Variants in ARMH4 observed in about 807,000 individuals in gnomAD.
The protein encoded by ARMH4 is armadillo like helical domain containing 4.
ARMH4 carries 49 observed loss-of-function variants against 61.9 expected under a neutral mutation model. That is an observed-to-expected ratio of 0.79 (90% CI 0.63 to 1.00). ARMH4 has a LOEUF of 1.00. ARMH4 is among the 50% of genes least tolerant of loss of function. The probability of loss-of-function intolerance (pLI) is 0.00; values close to 1 mark genes in which losing one functional copy is unlikely to be tolerated. For synonymous variants in ARMH4, 368 were observed against 341.5 expected (o/e 1.08, Z -0.85); for missense variants, 934 against 930.0 (o/e 1.00, Z -0.06).
chr14:58,031,267 G>A (rs1452245681), intron 5 of ARMH4, among the ~76,000 whole-genome samples: 1 of 152,166 alleles, frequency 6.6e-6, no homozygotes, highest in Non-Finnish European at 1.5e-5. Context: ...TTATCCCAGA[G>A]ACTCATTTTC....
intron 4 of ARMH4, among the ~76,000 whole-genome samples, chr14:58,128,166 T>C (rs1217209732): frequency 6.6e-6 from 1 of 152,240 alleles, no homozygotes; most frequent in African/African-American, 2.4e-5. Flanking sequence ...AAAGCGGGAC[T>C]TCTTTAAGTA....
chr14:58,134,062 A>G (rs182324915), intron 2 of ARMH4, among the ~76,000 whole-genome samples: 7 of 152,374 alleles, frequency 4.6e-5, no homozygotes, highest in African/African-American at 1.4e-4. Flanking sequence ...AATAGTATCT[A>G]TCTCACAGAG....
At chr14:58,081,531 C>T (rs545612722) in intron 5 of ARMH4, among the ~76,000 whole-genome samples, 58 of 150,300 alleles carry the variant, frequency 3.9e-4, no homozygotes, top group Middle Eastern at 3.4e-3. Context: ...GACGGAATCT[C>T]GCTCTGTCAC....
intron 5 of ARMH4, among the ~76,000 whole-genome samples, chr14:58,019,653 T>C (rs1392393582): frequency 6.6e-6 from 1 of 152,094 alleles, no homozygotes; most frequent in East Asian, 1.9e-4. Context: ...TAGCCGAGTA[T>C]GGTGGCATGC....
chr14:58,106,938 C>T (rs538877871), intron 4 of ARMH4, among the ~76,000 whole-genome samples: 4 of 152,182 alleles, frequency 2.6e-5, no homozygotes, highest in Non-Finnish European at 5.9e-5. Context: ...CTAGGGTTAC[C>T]AAAATCGAGA....
At chr14:58,070,929 G>C (rs1453196495) in intron 5 of ARMH4, among the ~76,000 whole-genome samples, 1 of 151,702 alleles carries the variant, frequency 6.6e-6, no homozygotes, top group Non-Finnish European at 1.5e-5. Context: ...CAATTATTTT[G>C]ATTTTTAGAT....
intron 2 of ARMH4, 95 bp downstream of exon 2, chr14:58,137,895 A>G: frequency 7.8e-7 from 1 of 1,281,708 alleles, no homozygotes; most frequent in South Asian, 1.5e-5. Flanking sequence ...CCTGCTTTTC[A>G]TTAAAACTTC....
chr14:58,148,559 T>C (rs1887822112), intron 1 of ARMH4, among the ~76,000 whole-genome samples: 1 of 152,220 alleles, frequency 6.6e-6, no homozygotes, highest in South Asian at 2.1e-4. Context: ...TTCCTTTGTT[T>C]GCCACATAAT....
rs115852128 is a variant in ARMH4 at position 58,009,891 on chromosome 14, C to A, written c.2121+2228G>T. 7.0e-3 allele frequency among the ~76,000 whole-genome samples: 1,041 copies of A among 148,696 alleles called. 11 individuals are homozygous for A. The highest frequency in any genetic ancestry group is 0.025 in the African/African-American group (1,001 of 40,292). The stretch of plus-strand genomic sequence containing the variant: ...AAGCCATTGTCATTGGGGGTGGGGG[C>A]GGATTGGCTATCATTCACAGCTGAT... On this transcript the variant is annotated intron_variant, in intron 6 of 7. Coordinates refer to ENST00000267485, the MANE Select transcript of ARMH4 (RefSeq NM_001001872.4).
chr14:58,126,996 G>T (rs1886917509), intron 4 of ARMH4, among the ~76,000 whole-genome samples: 1 of 151,964 alleles, frequency 6.6e-6, no homozygotes, highest in South Asian at 2.1e-4. Context: ...TAGAGGTGGA[G>T]TTTCACTGTG....
intron 5 of ARMH4, among the ~76,000 whole-genome samples, chr14:58,070,808 T>C (rs559355887): frequency 6.6e-6 from 1 of 152,320 alleles, no homozygotes; most frequent in East Asian, 1.9e-4. Flanking sequence ...GTCTTCTTCA[T>C]TCTATTTTTT....
chr14:58,146,008 T>C lies in ARMH4; in HGVS notation c.-57+6067A>G, dbSNP rs143481379. Reference sequence around the variant, plus strand: ...CTAATGTCCCACAATGGGAGTTACATGATGCTCAAGAATAAACGAGAAGAC... The same window carrying C: ...CTAATGTCCCACAATGGGAGTTACACGATGCTCAAGAATAAACGAGAAGAC... On this transcript the variant is annotated intron_variant, in intron 1 of 7. Transcript: ENST00000267485. 9.6e-4 allele frequency among the ~76,000 whole-genome samples: 147 copies of C among 152,368 alleles called. 1 individual carries two copies. The highest frequency in any genetic ancestry group is 3.4e-3 in the African/African-American group (140 of 41,584).
rs928052609 is a variant in ARMH4, at chr14:58,003,182, C to T, written c.*1554G>A. Reference sequence around the variant, plus strand: ...CTATTCCCTGCTATTCCCTTAGAACCTTTGTTTTAAAGAAGGACCCTGAAA... The same window carrying T: ...CTATTCCCTGCTATTCCCTTAGAACTTTTGTTTTAAAGAAGGACCCTGAAA... On this transcript the variant is annotated 3_prime_UTR_variant, in exon 8 of 8. Transcript: ENST00000267485. 8 of 152,132 alleles carry T rather than the reference C, an allele frequency of 5.3e-5. No individual in the cohort carries two copies. Among genetic ancestry groups the T allele is most frequent in the Non-Finnish European group, 7.3e-5 (5 of 68,044 alleles). 9.4% of individuals were successfully genotyped at this position (152,132 alleles called of 1,614,324 possible).
intron 4 of ARMH4, among the ~76,000 whole-genome samples, chr14:58,119,421 C>T (rs1023159447): frequency 6.6e-6 from 1 of 152,202 alleles, no homozygotes; most frequent in Non-Finnish European, 1.5e-5. Context: ...TGTCTATCCT[C>T]ATATTGAAAA....
At chr14:58,088,811 A>T (rs1885464391) in intron 5 of ARMH4, among the ~76,000 whole-genome samples, 2 of 152,182 alleles carry the variant, frequency 1.3e-5, no homozygotes, top group Admixed American at 1.3e-4. Flanking sequence ...AGACACATTA[A>T]TCCAACACAT....
chr14:58,035,861 A>C (rs1883463203), intron 5 of ARMH4, among the ~76,000 whole-genome samples: 1 of 141,290 alleles, frequency 7.1e-6, no homozygotes, highest in African/African-American at 2.6e-5. Context: ...AAGAAGTTGA[A>C]TCTCTGAATA....
chr14:58,147,324 T>G (rs1015460132), intron 1 of ARMH4, among the ~76,000 whole-genome samples: 4 of 151,750 alleles, frequency 2.6e-5, no homozygotes, highest in African/African-American at 9.7e-5. Context: ...TGGTTTTTTT[T>G]TTTTTTTTTG....
intron 4 of ARMH4, among the ~76,000 whole-genome samples, chr14:58,121,963 A>G (rs983465129): frequency 6.6e-6 from 1 of 152,248 alleles, no homozygotes; most frequent in Admixed American, 6.5e-5. Flanking sequence ...CCCAGCATTG[A>G]GTTCAAATCA....
intron 5 of ARMH4, among the ~76,000 whole-genome samples, chr14:58,054,350 G>T (rs1884246896): frequency 1.3e-5 from 2 of 152,198 alleles, no homozygotes; most frequent in Non-Finnish European, 2.9e-5. Flanking sequence ...CAGTTTCTAT[G>T]TTGGCCAGCT....
Sources: gnomAD v4.1 joint callset for allele counts (sites outside exome capture counted in the v4.1 genomes callset) on GRCh38, gnomAD v4.1.1 for gene constraint, MANE v1.5 for transcripts, NCBI Gene and HGNC (gene_info 2026-07-23, HGNC 2026-07-21) for gene names.